The following RAP2A variants were observed in gnomAD, a reference collection of about 807,000 sequenced individuals.
The protein encoded by RAP2A is RAP2A, member of RAS oncogene family.
In RAP2A, 5 loss-of-function variants were observed where a neutral mutation model predicts 15.1. That is an observed-to-expected ratio of 0.33 (90% CI 0.17 to 0.70). The LOEUF (loss-of-function observed/expected upper bound fraction) is 0.70, where lower values mean the gene tolerates loss of function less well. RAP2A is among the 30% of genes least tolerant of loss of function. The pLI, the probability that RAP2A is intolerant of heterozygous loss-of-function variation, is 0.68. For synonymous variants in RAP2A, 110 were observed against 99.7 expected (o/e 1.10, Z -0.62); for missense variants, 111 against 240.3 (o/e 0.46, Z 3.56).
rs1036758658 is a variant in RAP2A, at chr13:97,465,428, C to T, written c.*986C>T. 1.4e-4 allele frequency: 22 copies of T among 152,766 alleles called. No homozygotes were observed. The highest frequency in any genetic ancestry group is 5.3e-4 in the African/African-American group (22 of 41,576). The allele number at this position is 152,766 out of a possible 1,614,324, so 9.5% of individuals were successfully genotyped here. Reference sequence around the variant, plus strand: ...ATTAAAGCAGCAAATTCCTTCTCGCCTTTAAGGGCTATGGTTGTAGTGTGA... The same window carrying T: ...ATTAAAGCAGCAAATTCCTTCTCGCTTTTAAGGGCTATGGTTGTAGTGTGA... On this transcript the variant is annotated 3_prime_UTR_variant, in exon 2 of 2. Transcript: ENST00000245304.
chr13:97,456,910 G>C (rs760687188), intron 1 of RAP2A, among the ~76,000 whole-genome samples: 1 of 152,090 alleles, frequency 6.6e-6, no homozygotes, highest in Non-Finnish European at 1.5e-5. Context: ...GGTTTACTTA[G>C]CTCATGTTTT....
At chr13:97,458,023 C>T (rs947516538) in intron 1 of RAP2A, among the ~76,000 whole-genome samples, 1 of 152,068 alleles carries the variant, frequency 6.6e-6, no homozygotes, top group Admixed American at 6.5e-5. Flanking sequence ...TTAACACTAA[C>T]ATTTAACAGA....
intron 1 of RAP2A, among the ~76,000 whole-genome samples, chr13:97,459,763 C>CT (rs1157360108): frequency 6.6e-6 from 1 of 152,196 alleles, no homozygotes; most frequent in Non-Finnish European, 1.5e-5. Flanking sequence ...TGATCCACAT[C>CT]TTTTTTTCCA....
chr13:97,461,290 A>G (rs1408046167), intron 1 of RAP2A, among the ~76,000 whole-genome samples: 1 of 152,208 alleles, frequency 6.6e-6, no homozygotes, highest in Non-Finnish European at 1.5e-5. Context: ...GTATTCTGAA[A>G]TGTACATAAT....
chr13:97,454,562 T>C (rs983102741), intron 1 of RAP2A, among the ~76,000 whole-genome samples: 1 of 151,326 alleles, frequency 6.6e-6, no homozygotes, highest in Non-Finnish European at 1.5e-5. Flanking sequence ...CTTACAACCA[T>C]GTAGGTCTCT....
At chr13:97,459,584 C>G (rs1319324424) in intron 1 of RAP2A, among the ~76,000 whole-genome samples, 2 of 152,216 alleles carry the variant, frequency 1.3e-5, no homozygotes, top group Admixed American at 1.3e-4. Flanking sequence ...GTCGCCGGCT[C>G]AGGCATTGTC....
intron 1 of RAP2A, among the ~76,000 whole-genome samples, chr13:97,445,723 G>A (rs1299503352): frequency 1.3e-5 from 2 of 152,170 alleles, no homozygotes; most frequent in Non-Finnish European, 2.9e-5. Flanking sequence ...CTGTGTGTGA[G>A]CTCAGTCATG....
At chr13:97,443,735 C>T (rs1421637226) in intron 1 of RAP2A, among the ~76,000 whole-genome samples, 1 of 152,144 alleles carries the variant, frequency 6.6e-6, no homozygotes, top group Non-Finnish European at 1.5e-5. Flanking sequence ...ATTATGAATA[C>T]TGTATGTATT....
chr13:97,460,972 G>C (rs1476282475), intron 1 of RAP2A, among the ~76,000 whole-genome samples: 1 of 151,974 alleles, frequency 6.6e-6, no homozygotes, highest in Non-Finnish European at 1.5e-5. Flanking sequence ...AGTTTCTCCG[G>C]CTCCTTCTTC....
intron 1 of RAP2A, among the ~76,000 whole-genome samples, chr13:97,447,690 A>C (rs1330637482): frequency 1.3e-5 from 2 of 152,206 alleles, no homozygotes; most frequent in Non-Finnish European, 2.9e-5. Flanking sequence ...GTGGCCATGG[A>C]CATGTTTGCA....
chr13:97,449,530 ACT>A (rs1176124444), intron 1 of RAP2A, among the ~76,000 whole-genome samples: 3 of 151,910 alleles, frequency 2.0e-5, no homozygotes, highest in Non-Finnish European at 4.4e-5. Flanking sequence ...ACTATTGGAC[ACT>A]CTGTTGCTTA....
At chr13:97,447,058 T>G (rs1195339144) in intron 1 of RAP2A, among the ~76,000 whole-genome samples, 1 of 151,740 alleles carries the variant, frequency 6.6e-6, no homozygotes, top group Non-Finnish European at 1.5e-5. Context: ...TCCTTTTGGT[T>G]TCTTTGTGAA....
intron 1 of RAP2A, among the ~76,000 whole-genome samples, chr13:97,435,559 A>C (rs1410097478): frequency 6.6e-6 from 1 of 150,722 alleles, no homozygotes; most frequent in South Asian, 2.1e-4. Flanking sequence ...CACAAGTATT[A>C]GCTAATTTAA....
intron 1 of RAP2A, among the ~76,000 whole-genome samples, chr13:97,442,191 A>T (rs989249360): frequency 3.3e-5 from 5 of 152,140 alleles, no homozygotes; most frequent in Non-Finnish European, 7.4e-5. Context: ...ATTTAAAGTA[A>T]TCAAAATAAC....
intron 1 of RAP2A, among the ~76,000 whole-genome samples, chr13:97,451,523 G>A (rs1017923599): frequency 2.6e-5 from 4 of 152,114 alleles, no homozygotes; most frequent in Non-Finnish European, 4.4e-5. Flanking sequence ...TTTAATGGAG[G>A]TGCAGGATGC....
chr13:97,449,175 C>G (rs1019968081), intron 1 of RAP2A, among the ~76,000 whole-genome samples: 2 of 152,192 alleles, frequency 1.3e-5, no homozygotes, highest in Admixed American at 6.5e-5. Context: ...ACCTCCTTGT[C>G]TGCTTACAGA....
chr13:97,436,948 T>C, intron 1 of RAP2A, among the ~76,000 whole-genome samples: 1 of 152,192 alleles, frequency 6.6e-6, no homozygotes, highest in East Asian at 1.9e-4. Flanking sequence ...CTTCCCATCA[T>C]TGATGGAGAG....
intron 1 of RAP2A, among the ~76,000 whole-genome samples, chr13:97,437,983 A>G (rs373583994): frequency 4.6e-5 from 7 of 152,244 alleles, no homozygotes; most frequent in Non-Finnish European, 7.3e-5. Flanking sequence ...GTATACATAC[A>G]TGACCTCTTG....
In RAP2A at chr13:97,464,423, C is replaced by T. The variant is rs769247300; in HGVS notation, c.533C>T (p.Ser178Phe). 6.2e-7 allele frequency: 1 copy of T among 1,614,110 alleles called. No individual in the cohort carries two copies. The highest frequency in any genetic ancestry group is 1.1e-5 in the South Asian group (1 of 91,086). ...AQPDKDDPCC[S>F]ACNIQ ...CCTGACAAAGATGACCCATGCTGTT[C>T]TGCATGTAACATACAATAGCATCCA... Residue 178 changes from serine to phenylalanine, a missense_variant, in exon 2 of 2, where the codon TCT becomes TTT. Transcript: ENST00000245304.
Sources: allele counts gnomAD v4.1 joint callset (sites outside exome capture counted in the v4.1 genomes callset), GRCh38; gene constraint gnomAD v4.1.1; transcripts MANE v1.5; gene names NCBI Gene and HGNC (gene_info 2026-07-23, HGNC 2026-07-21).